WT1: variants seen among roughly 807,000 people sequenced by gnomAD.
The protein encoded by WT1 is WT1 transcription factor.
Under a neutral mutation model 60.8 loss-of-function variants are expected in WT1, and 8 were observed. The observed-to-expected ratio is 0.13, with a 90% CI of 0.08 to 0.24. The LOEUF is 0.24. WT1 is among the 10% of genes least tolerant of loss of function. WT1 has a pLI of 1.00. For synonymous variants in WT1, 312 were observed against 297.1 expected (o/e 1.05, Z -0.52); for missense variants, 568 against 711.8 (o/e 0.80, Z 2.30).
At position 32,388,978 on chromosome 11, in the gene WT1, G is replaced by A. The variant is rs1245314067; in HGVS notation, c.*80C>T. On this transcript the variant is annotated 3_prime_UTR_variant, in exon 10 of 10. Coordinates refer to ENST00000452863, the MANE Select transcript of WT1 (RefSeq NM_024426.6). The stretch of plus-strand genomic sequence containing the variant: ...TCAACTGAAGTTTCCTTTTTAGTGA[G>A]GAGGAGTGGAGAGTCAGACTTGAAA... The A allele has an allele frequency of 6.2e-7, 1 of 1,606,534 alleles. No individual in the cohort carries two copies. The highest frequency in any genetic ancestry group is 1.3e-5 in the African/African-American group (1 of 74,806).
chr11:32,431,267 C>T (rs918365354), intron 1 of WT1, among the ~76,000 whole-genome samples: 6 of 152,112 alleles, frequency 3.9e-5, no homozygotes, highest in Admixed American at 3.9e-4. Flanking sequence ...ACCTGTCCCC[C>T]AACAAAATAC....
chr11:32,417,014 C>T (rs1222748699), intron 4 of WT1, among the ~76,000 whole-genome samples: 1 of 152,164 alleles, frequency 6.6e-6, no homozygotes, highest in African/African-American at 2.4e-5. Flanking sequence ...GCAAGTCCCA[C>T]CTGCCTTCTT....
intron 3 of WT1, 79 bp downstream of exon 3, chr11:32,427,877 G>C (rs1389949170): frequency 5.0e-6 from 7 of 1,406,760 alleles, no homozygotes; most frequent in Non-Finnish European, 6.8e-6. Flanking sequence ...TGCCCGGCTG[G>C]GGCGTTCCCA....
intron 5 of WT1, among the ~76,000 whole-genome samples, chr11:32,414,458 A>G (rs1398850149): frequency 6.6e-6 from 1 of 152,126 alleles, no homozygotes; most frequent in Non-Finnish European, 1.5e-5. Flanking sequence ...TATTTTTTGT[A>G]GAGAAAGGTT....
chr11:32,432,996 C>T (rs144287330), intron 1 of WT1, among the ~76,000 whole-genome samples: 2 of 152,114 alleles, frequency 1.3e-5, no homozygotes, highest in Non-Finnish European at 2.9e-5. Flanking sequence ...GATGGGTTGC[C>T]GAGTTCCATA....
At chr11:32,401,928 T>C (rs1420327295) in intron 5 of WT1, among the ~76,000 whole-genome samples, 1 of 152,164 alleles carries the variant, frequency 6.6e-6, no homozygotes, top group African/African-American at 2.4e-5. Context: ...CTCTAACAGT[T>C]GGTTCCAGGG....
chr11:32,388,968 T>G lies in WT1; in HGVS notation c.*90A>C. On this transcript the variant is annotated 3_prime_UTR_variant, in exon 10 of 10. Coordinates refer to ENST00000452863, the MANE Select transcript of WT1 (RefSeq NM_024426.6). ...ATGAAGAAGATCAACTGAAGTTTCC[T>G]TTTTAGTGAGGAGGAGTGGAGAGTC... 2 of 1,602,706 alleles carry G rather than the reference T, an allele frequency of 1.2e-6. No individual in the cohort carries two copies. Among genetic ancestry groups the G allele is most frequent in the South Asian group, 2.2e-5 (2 of 90,298 alleles).
At chr11:32,411,998 G>C (rs16923250) in intron 5 of WT1, among the ~76,000 whole-genome samples, 15,452 of 152,196 alleles carry the variant, frequency 0.1, 1,204 homozygotes, top group African/African-American at 0.22. Context: ...ACAGAACTGA[G>C]GCTCCCCACC....
chr11:32,406,075 TG>T (rs1187238654), intron 5 of WT1, among the ~76,000 whole-genome samples: 2 of 151,478 alleles, frequency 1.3e-5, no homozygotes, highest in Non-Finnish European at 2.9e-5. Flanking sequence ...GTTGGGGGAG[TG>T]GGGAAGGACA....
chr11:32,430,451 GGAGGGAGAGAGA>G, intron 1 of WT1: 1 of 917,140 alleles, frequency 1.1e-6, no homozygotes, highest in Non-Finnish European at 1.5e-6. Context: ...AGAGAGAGAG[GGAGGGAGAGAGA>G]GAGAGAGAGA....
intron 5 of WT1, among the ~76,000 whole-genome samples, chr11:32,406,141 T>G (rs1472629874): frequency 4.6e-5 from 7 of 152,166 alleles, no homozygotes; most frequent in Non-Finnish European, 8.8e-5. Flanking sequence ...AGGCACAACA[T>G]GTAGTTTTGC....
chr11:32,430,455 GGAGAGAGAGAGA>G (rs529663782), intron 1 of WT1: 306 of 898,436 alleles, frequency 3.4e-4, no homozygotes, highest in Non-Finnish European at 4.0e-4. Flanking sequence ...AGAGAGGGAG[GGAGAGAGAGAGA>G]GAGAGAGAGA....
intron 1 of WT1, chr11:32,430,677 A>T: frequency 2.8e-6 from 4 of 1,438,372 alleles, no homozygotes; most frequent in Non-Finnish European, 3.6e-6. Context: ...CGCACCCCAG[A>T]ACTCGGGCCC....
intron 9 of WT1, among the ~76,000 whole-genome samples, chr11:32,391,712 T>C (rs2132912374): frequency 6.6e-6 from 1 of 152,362 alleles, no homozygotes; most frequent in Non-Finnish European, 1.5e-5. Flanking sequence ...AGTAGGGACC[T>C]GGCTTATCTC....
chr11:32,426,955 T>A (rs1047859477), intron 3 of WT1, among the ~76,000 whole-genome samples: 1 of 151,936 alleles, frequency 6.6e-6, no homozygotes, highest in African/African-American at 2.4e-5. Flanking sequence ...GGGCAGGCGC[T>A]TTTCCTTCCT....
intron 3 of WT1, among the ~76,000 whole-genome samples, chr11:32,420,453 C>T (rs77286584): frequency 0.014 from 2,204 of 152,294 alleles, 49 homozygotes; most frequent in African/African-American, 0.05. Flanking sequence ...AGATAATATA[C>T]TTTAATTACT....
intron 1 of WT1, among the ~76,000 whole-genome samples, chr11:32,433,647 G>T (rs886326500): frequency 6.6e-5 from 10 of 152,208 alleles, no homozygotes; most frequent in Non-Finnish European, 1.3e-4. Flanking sequence ...TCTCAATAGC[G>T]TGGAAATCCA....
In WT1 at chr11:32,424,334, A is replaced by T. The variant is rs145370969; in HGVS notation, c.887+3622T>A. On this transcript the variant is annotated intron_variant, in intron 3 of 9. Transcript: ENST00000452863. The stretch of plus-strand genomic sequence containing the variant: ...TCTCACTTGCTGTGTGACTTTGAGC[A>T]AGTTACTTTGAGACTCTGAACTTAA... Among the ~76,000 whole-genome samples, 70 of 152,242 alleles carry T rather than the reference A, an allele frequency of 4.6e-4. 3 individuals carry two copies. In the East Asian group the frequency reaches 0.013, roughly 29 times the overall value.
chr11:32,428,198 G>A, intron 2 of WT1, 140 bp from the exon 3 acceptor site: 1 of 909,942 alleles, frequency 1.1e-6, no homozygotes, highest in Non-Finnish European at 1.7e-6. Context: ...GAGCGAGGCC[G>A]TCCAGAATGC....
Sources: allele counts gnomAD v4.1 joint callset (sites outside exome capture counted in the v4.1 genomes callset), GRCh38; gene constraint gnomAD v4.1.1; transcripts MANE v1.5; gene names NCBI Gene and HGNC (gene_info 2026-07-23, HGNC 2026-07-21).